CNOT10: variants seen among roughly 807,000 people sequenced by gnomAD.
CNOT10 encodes the protein CCR4-NOT transcription complex, subunit 10.
CNOT10 carries 30 observed loss-of-function variants against 94.6 expected under a neutral mutation model. The ratio of observed to expected loss-of-function variants is 0.32; its 90% CI spans 0.24 to 0.43. The LOEUF is 0.43. Among genes scored for constraint, CNOT10 ranks in the 20% least tolerant of loss-of-function variants. CNOT10 has a pLI of 1.00. For synonymous variants in CNOT10, 289 were observed against 301.6 expected, an observed-to-expected ratio of 0.96 and a Z score of 0.43; for missense variants, 759 against 877.2, an observed-to-expected ratio of 0.87 and a Z score of 1.70.
At chr3:32,723,209 C>T (rs928788812) in intron 8 of CNOT10, among the ~76,000 whole-genome samples, 3 of 151,594 alleles carry the variant, frequency 2.0e-5, no homozygotes, top group East Asian at 2.0e-4. Flanking sequence ...CTGACTAACA[C>T]GGTGAAACCC....
At chr3:32,699,710 G>A (rs1206043725) in intron 1 of CNOT10, among the ~76,000 whole-genome samples, 2 of 152,102 alleles carry the variant, frequency 1.3e-5, no homozygotes, top group Non-Finnish European at 2.9e-5. Context: ...CACCATACTG[G>A]GGGAGCATTC....
At chr3:32,703,810 G>A in intron 1 of CNOT10, 58 bp from the exon 2 acceptor site, 1 of 1,172,558 alleles carries the variant, frequency 8.5e-7, no homozygotes, top group South Asian at 1.3e-5. Flanking sequence ...AACTGGATAA[G>A]GAGGGACCAC....
rs535150817 is a variant in CNOT10 at position 32,759,661 on chromosome 3, C to A, written c.1709+90C>A. On this transcript the variant is annotated intron_variant, in intron 14 of 18. Transcript: ENST00000328834. ...GTTTATGTTGCTTCTTTTGACTCCT[C>A]CAGTGGAATATATATTTGTAAGGAA... 3.2e-5 allele frequency: 27 copies of A among 840,276 alleles called. 1 individual carries two copies. Among genetic ancestry groups the A allele is most frequent in the Middle Eastern group, 4.6e-4 (2 of 4,344 alleles). 52.1% of individuals were successfully genotyped at this position (840,276 alleles called of 1,614,324 possible). A position where few individuals can be genotyped will look rare whatever the true frequency, so the allele number is the denominator to read the frequency against.
intron 4 of CNOT10, among the ~76,000 whole-genome samples, chr3:32,710,937 GTCTTGAAC>G (rs1697858179): frequency 6.6e-6 from 1 of 152,064 alleles, no homozygotes; most frequent in Admixed American, 6.5e-5. Context: ...GCCTAGGCTG[GTCTTGAAC>G]TCCTGGGCTC....
rs1454052100 is a variant in CNOT10 at position 32,690,883 on chromosome 3, T to C, written c.22+5401T>C. The stretch of plus-strand genomic sequence containing the variant: ...TTTTTCAACTTTTTATTATGAATGA[T>C]TTCAAACACCTAAAAAATTTAAAAA... On this transcript the variant is annotated intron_variant, in intron 1 of 18. Coordinates refer to ENST00000328834, the MANE Select transcript of CNOT10 (RefSeq NM_015442.3). Among the ~76,000 whole-genome samples, 4 of 152,074 alleles carry C rather than the reference T, an allele frequency of 2.6e-5. No individual in the cohort carries two copies. The East Asian group carries it at 7.7e-4, about 29-fold the overall frequency.
At chr3:32,711,848 G>A (rs896089386) in intron 4 of CNOT10, among the ~76,000 whole-genome samples, 3 of 152,166 alleles carry the variant, frequency 2.0e-5, no homozygotes, top group Non-Finnish European at 4.4e-5. Flanking sequence ...GTAAAGCCTA[G>A]GGCAGGGCTT....
At chr3:32,756,209 G>A (rs1005815516) in intron 13 of CNOT10, among the ~76,000 whole-genome samples, 1 of 152,058 alleles carries the variant, frequency 6.6e-6, no homozygotes, top group South Asian at 2.1e-4. Context: ...TTTGAGTTTC[G>A]GGCAATGAAA....
intron 6 of CNOT10, among the ~76,000 whole-genome samples, chr3:32,716,716 C>T (rs1698139695): frequency 6.6e-6 from 1 of 152,144 alleles, no homozygotes; most frequent in Non-Finnish European, 1.5e-5. Context: ...GGTGCGATCT[C>T]GGCTCGCTGC....
At chr3:32,738,332 C>T (rs1157007164) in intron 13 of CNOT10, among the ~76,000 whole-genome samples, 1 of 152,146 alleles carries the variant, frequency 6.6e-6, no homozygotes, top group African/African-American at 2.4e-5. Flanking sequence ...ATAAAAAGGA[C>T]AGGTATTACT....
chr3:32,720,298 C>T (rs1159057433), intron 8 of CNOT10, 67 bp downstream of exon 8: 11 of 648,510 alleles, frequency 1.7e-5, no homozygotes, highest in Non-Finnish European at 3.1e-5. Flanking sequence ...TGCTTGTCCA[C>T]CTCCCAACAC....
At chr3:32,753,758 C>A (rs937859147) in intron 13 of CNOT10, 2 of 1,601,798 alleles carry the variant, frequency 1.2e-6, no homozygotes, top group Non-Finnish European at 1.7e-6. Context: ...CAGATCTATT[C>A]AGATGGTTCT....
At chr3:32,706,593 TG>T (rs1445452557) in intron 3 of CNOT10, among the ~76,000 whole-genome samples, 1 of 152,232 alleles carries the variant, frequency 6.6e-6, no homozygotes. Context: ...GTTTTTCTTT[TG>T]GCTGGAGCAG....
intron 1 of CNOT10, chr3:32,695,690 G>T: frequency 2.0e-6 from 3 of 1,536,008 alleles, no homozygotes; most frequent in Non-Finnish European, 2.6e-6. Context: ...CGCATAGAAG[G>T]TCAGCCATGT....
At chr3:32,703,096 T>C (rs866222502) in intron 1 of CNOT10, among the ~76,000 whole-genome samples, 1,518 of 149,982 alleles carry the variant, frequency 0.01, 29 homozygotes, top group African/African-American at 0.035. Flanking sequence ...TTTTTTTTTT[T>C]TGTATTTTTA....
chr3:32,699,583 C>T (rs1697236920), intron 1 of CNOT10, among the ~76,000 whole-genome samples: 1 of 152,194 alleles, frequency 6.6e-6, no homozygotes, highest in Non-Finnish European at 1.5e-5. Context: ...GTTTGTTTAT[C>T]TAGGCAACTC....
chr3:32,737,035 G>A (rs746613884), intron 12 of CNOT10, among the ~76,000 whole-genome samples: 23 of 152,266 alleles, frequency 1.5e-4, no homozygotes, highest in Non-Finnish European at 2.5e-4. Flanking sequence ...ATGGGAGGCC[G>A]GGCGAGGTGA....
intron 13 of CNOT10, among the ~76,000 whole-genome samples, chr3:32,749,392 C>T (rs922484244): frequency 6.8e-6 from 1 of 146,168 alleles, no homozygotes; most frequent in African/African-American, 2.5e-5. Flanking sequence ...GGTCTTTGAT[C>T]CATGTTGAGT....
intron 10 of CNOT10, among the ~76,000 whole-genome samples, chr3:32,729,467 T>C (rs949125758): frequency 6.6e-6 from 1 of 152,204 alleles, no homozygotes; most frequent in Non-Finnish European, 1.5e-5. Context: ...GTATGGTACC[T>C]GGAGGTTTTA....
chr3:32,693,055 C>A (rs953937697), intron 1 of CNOT10, among the ~76,000 whole-genome samples: 4 of 152,002 alleles, frequency 2.6e-5, no homozygotes, highest in Admixed American at 6.6e-5. Context: ...GAAACAACAA[C>A]AAAAAAGAAT....
Sources: gnomAD v4.1 joint callset for allele counts (sites outside exome capture counted in the v4.1 genomes callset) on GRCh38, gnomAD v4.1.1 for gene constraint, MANE v1.5 for transcripts, NCBI Gene and HGNC (gene_info 2026-07-23, HGNC 2026-07-21) for gene names.